The following CDIN1 variants were observed in gnomAD, a reference collection of about 807,000 sequenced individuals.
CDIN1 encodes the protein CDAN1 interacting nuclease 1, also known as CDAN1-interacting nuclease 1.
Under a neutral mutation model 45.3 loss-of-function variants are expected in CDIN1, and 33 were observed. That is an observed-to-expected ratio of 0.73 (90% CI 0.55 to 0.97). The LOEUF (loss-of-function observed/expected upper bound fraction) is 0.97. Among genes scored for constraint, CDIN1 ranks in the 50% least tolerant of loss-of-function variants. The pLI, the probability that CDIN1 is intolerant of heterozygous loss-of-function variation, is 0.00. For missense variants in CDIN1, 303 were observed against 339.4 expected (o/e 0.89, Z 0.84); for synonymous variants, 118 against 124.4 (o/e 0.95, Z 0.34).
rs2040226886 is a variant in CDIN1, at chr15:36,644,335, T to C, written c.147+12T>C. On this transcript the variant is annotated intron_variant, in intron 2 of 10. Transcript: ENST00000566621. ...CCCAGGAGTACCAGGTTAGAAGTTT[T>C]CTCCTTTGTGAGGGTTGACAGGTGC... 6.2e-7 allele frequency: 1 copy of C among 1,612,526 alleles called. No homozygotes were observed. Among genetic ancestry groups the C allele is most frequent in the South Asian group, 1.1e-5 (1 of 90,900 alleles).
In CDIN1 at chr15:36,795,859, C is replaced by T. The variant is rs2054781186; in HGVS notation, c.717-12465C>T. 2.6e-5 allele frequency among the ~76,000 whole-genome samples: 4 copies of T among 152,232 alleles called. No individual in the cohort carries two copies. In the South Asian group the frequency reaches 6.2e-4, roughly 24 times the overall value. ...GTGGGATTACAGGAATGAACCTCTG[C>T]ACCTGAACTAGCTCTTATTTTTCAA... On this transcript the variant is annotated intron_variant, in intron 10 of 10. Transcript: ENST00000566621.
At chr15:36,794,863 A>G (rs1247750930) in intron 10 of CDIN1, among the ~76,000 whole-genome samples, 1 of 152,220 alleles carries the variant, frequency 6.6e-6, no homozygotes, top group Non-Finnish European at 1.5e-5. Flanking sequence ...TCACAATAAC[A>G]AAGATATAGA....
Position 36,624,930 on chromosome 15 carries a change from C to A in CDIN1, c.102-19348C>A, listed in dbSNP as rs987752350. Among the ~76,000 whole-genome samples, 14 of 151,958 alleles carry A rather than the reference C, an allele frequency of 9.2e-5. No individual in the cohort carries two copies. The South Asian group carries it at 2.9e-3, about 32-fold the overall frequency. ...TTAAATTAAGAAAGATTAGTGGGGG[C>A]AGAACATATATTTTTGTGCAGAAAA... On this transcript the variant is annotated intron_variant, in intron 1 of 10. Coordinates refer to ENST00000566621, the MANE Select transcript of CDIN1 (RefSeq NM_001321759.2).
chr15:36,694,736 T>C lies in CDIN1; in HGVS notation c.476+2561T>C, dbSNP rs117781150. ...ACAGCTATTAGACAAAAGCATAAACTATGAAGCAAGGAAAGGTAATGATGC... is the reference window on the plus strand; with the variant it reads ...ACAGCTATTAGACAAAAGCATAAACCATGAAGCAAGGAAAGGTAATGATGC... On this transcript the variant is annotated intron_variant, in intron 7 of 10. Coordinates refer to ENST00000566621, the MANE Select transcript of CDIN1 (RefSeq NM_001321759.2). Among the ~76,000 whole-genome samples, 283 of 152,276 alleles carry C rather than the reference T, an allele frequency of 1.9e-3. 1 individual carries two copies. Among genetic ancestry groups the C allele is most frequent in the Middle Eastern group, 0.01 (3 of 294 alleles).
intron 3 of CDIN1, among the ~76,000 whole-genome samples, chr15:36,650,698 C>T (rs940311457): frequency 2.0e-5 from 3 of 152,210 alleles, no homozygotes; most frequent in East Asian, 3.9e-4. Flanking sequence ...CCGCCTTGGC[C>T]TCCCAAAGTG....
intron 1 of CDIN1, among the ~76,000 whole-genome samples, chr15:36,624,818 T>C (rs2039346139): frequency 1.3e-5 from 2 of 152,182 alleles, no homozygotes; most frequent in Admixed American, 6.5e-5. Flanking sequence ...ATGGTAGTTA[T>C]ACCTACAATT....
At chr15:36,697,430 C>A in intron 8 of CDIN1, 40 bp downstream of exon 8, 1 of 1,464,788 alleles carries the variant, frequency 6.8e-7, no homozygotes, top group Admixed American at 2.1e-5. Flanking sequence ...GTGTTGTCTC[C>A]CTGAGTGCTT....
chr15:36,746,695 A>T (rs925447222), intron 10 of CDIN1, among the ~76,000 whole-genome samples: 13 of 149,850 alleles, frequency 8.7e-5, no homozygotes, highest in African/African-American at 3.2e-4. Context: ...ACACACACAC[A>T]CACTGCTACT....
chr15:36,645,425 T>G, intron 3 of CDIN1, 138 bp downstream of exon 3: 2 of 799,668 alleles, frequency 2.5e-6, no homozygotes, highest in South Asian at 4.0e-5. Context: ...AAACTTTTAG[T>G]ATGTTTTTGA....
At chr15:36,677,852 A>G (rs1195327984) in intron 5 of CDIN1, among the ~76,000 whole-genome samples, 3 of 152,204 alleles carry the variant, frequency 2.0e-5, no homozygotes, top group Non-Finnish European at 4.4e-5. Flanking sequence ...AGAATTCAGT[A>G]TATTCATAGC....
chr15:36,640,452 T>A (rs770003010), intron 1 of CDIN1, among the ~76,000 whole-genome samples: 38 of 152,166 alleles, frequency 2.5e-4, no homozygotes, highest in Non-Finnish European at 3.2e-4. Context: ...TTATCTTTCT[T>A]TAATTGGTTT....
intron 3 of CDIN1, among the ~76,000 whole-genome samples, chr15:36,645,999 AT>A (rs1194948018): frequency 6.6e-6 from 1 of 152,118 alleles, no homozygotes; most frequent in East Asian, 1.9e-4. Context: ...TTGTATTGTC[AT>A]TGTAATATGA....
intron 1 of CDIN1, among the ~76,000 whole-genome samples, chr15:36,609,432 A>G (rs2038541734): frequency 6.6e-6 from 1 of 152,180 alleles, no homozygotes; most frequent in African/African-American, 2.4e-5. Context: ...AATAACTATA[A>G]TTGTAAAGAA....
chr15:36,738,438 A>G (rs760407032), intron 10 of CDIN1, among the ~76,000 whole-genome samples: 2 of 151,990 alleles, frequency 1.3e-5, no homozygotes, highest in Admixed American at 6.6e-5. Flanking sequence ...GTGGTTCCCT[A>G]TGACCCAGAG....
chr15:36,580,318 G>A (rs1352371872), intron 1 of CDIN1, among the ~76,000 whole-genome samples: 1 of 152,216 alleles, frequency 6.6e-6, no homozygotes, highest in Admixed American at 6.5e-5. Flanking sequence ...AATATGAATT[G>A]TAGATTCGAA....
At chr15:36,675,588 C>T (rs1392265124) in intron 5 of CDIN1, among the ~76,000 whole-genome samples, 1 of 152,074 alleles carries the variant, frequency 6.6e-6, no homozygotes, top group Non-Finnish European at 1.5e-5. Context: ...TGCTCAGCGG[C>T]CTTGCTGAAA....
At chr15:36,625,703 G>C (rs1370500662) in intron 1 of CDIN1, among the ~76,000 whole-genome samples, 2 of 152,170 alleles carry the variant, frequency 1.3e-5, no homozygotes, top group Non-Finnish European at 2.9e-5. Flanking sequence ...GCCTGGCCCA[G>C]TCCTGGATCT....
chr15:36,588,429 C>T (rs6495851), intron 1 of CDIN1, among the ~76,000 whole-genome samples: 8 of 152,034 alleles, frequency 5.3e-5, no homozygotes, highest in Middle Eastern at 3.2e-3. Flanking sequence ...TGTGGTGGAC[C>T]TGAGTTCCAG....
chr15:36,809,247 G>T lies in CDIN1; in HGVS notation c.*794G>T. On this transcript the variant is annotated 3_prime_UTR_variant, in exon 11 of 11. Transcript: ENST00000566621. ...CCGAGAGGCGACAACCCAACATTGA[G>T]GAGAGTTTATTTTTAAACATGGCTA... is the stretch of plus-strand genomic sequence containing the variant. 1 of 247,882 alleles carries T rather than the reference G, an allele frequency of 4.0e-6. No individual in the cohort carries two copies. The allele number at this position is 247,882 out of a possible 1,614,324, so 15.4% of individuals were successfully genotyped here. A position where few individuals can be genotyped will look rare whatever the true frequency, so the allele number is the denominator to read the frequency against.
Sources: gnomAD v4.1 joint callset for allele counts (sites outside exome capture counted in the v4.1 genomes callset) on GRCh38, gnomAD v4.1.1 for gene constraint, MANE v1.5 for transcripts, NCBI Gene and HGNC (gene_info 2026-07-23, HGNC 2026-07-21) for gene names.